BFSP1: variants seen among roughly 807,000 people sequenced by gnomAD.
BFSP1 encodes filensin.
Under a neutral mutation model 43.9 loss-of-function variants are expected in BFSP1, and 38 were observed. The observed-to-expected ratio is 0.87, with a 90% CI of 0.67 to 1.14. The LOEUF is 1.14. Among genes scored for constraint, BFSP1 ranks in the 50% most tolerant of loss-of-function variants. The probability of loss-of-function intolerance (pLI) is 0.00; values close to 1 mark genes in which losing one functional copy is unlikely to be tolerated. For missense variants in BFSP1, 850 were observed against 875.1 expected (o/e 0.97, Z 0.36); for synonymous variants, 352 against 354.8 (o/e 0.99, Z 0.09).
At chr20:17,566,145 A>C (rs973430807) in intron 1 of BFSP1, among the ~76,000 whole-genome samples, 1 of 148,720 alleles carries the variant, frequency 6.7e-6, no homozygotes, top group East Asian at 2.0e-4. Context: ...AAAAAAGACT[A>C]CTGACATAAA....
intron 3 of BFSP1, among the ~76,000 whole-genome samples, chr20:17,513,606 G>A (rs2034136791): frequency 6.6e-6 from 1 of 152,214 alleles, no homozygotes; most frequent in Non-Finnish European, 1.5e-5. Context: ...TACACACTGA[G>A]GTAGGAAGGG....
At chr20:17,529,220 G>A (rs1382072309) in intron 1 of BFSP1, among the ~76,000 whole-genome samples, 5 of 152,070 alleles carry the variant, frequency 3.3e-5, no homozygotes, top group Non-Finnish European at 5.9e-5. Context: ...CTACAGGCGT[G>A]TGCCACTACA....
At chr20:17,538,641 GCA>G (rs1382288969) in intron 1 of BFSP1, among the ~76,000 whole-genome samples, 3 of 152,152 alleles carry the variant, frequency 2.0e-5, no homozygotes, top group East Asian at 1.9e-4. Flanking sequence ...TGCCTTCTCT[GCA>G]CAGTCTCAGA....
rs78453044 is a variant in BFSP1, at chr20:17,508,730, G to C, written c.735+159C>G. Among the ~76,000 whole-genome samples the C allele has an allele frequency of 3.6e-3, 550 of 152,298 alleles. 1 individual carries two copies. Among genetic ancestry groups the C allele is most frequent in the African/African-American group, 0.012 (518 of 41,570 alleles). On this transcript the variant is annotated intron_variant, in intron 5 of 7. Transcript: ENST00000377873. ...AAACTCCTCAGTCCAGGCCAGAGCA[G>C]AGCGCTTGGCCACCCACTCAGAAAA... is the stretch of plus-strand genomic sequence containing the variant.
At position 17,524,248 on chromosome 20, in the gene BFSP1, CAGTT is replaced by C. The variant is rs377576353; in HGVS notation, c.438+596_438+599del. ...TCCCAGCAAAAGCAGAAAATCCAAT[CAGTT>C]AGTTAGAATCATGATGAAGAATCCC... is the stretch of plus-strand genomic sequence containing the variant. On this transcript the variant is annotated intron_variant, in intron 2 of 7. Coordinates refer to ENST00000377873, the MANE Select transcript of BFSP1 (RefSeq NM_001195.5). Among the ~76,000 whole-genome samples the C allele has an allele frequency of 1.6e-4, 25 of 152,290 alleles. No homozygotes were observed. The East Asian group carries it at 4.6e-3, about 28-fold the overall frequency.
chr20:17,535,931 T>G (rs2034621987), upstream of BFSP1, among the ~76,000 whole-genome samples: 1 of 152,088 alleles, frequency 6.6e-6, no homozygotes, highest in Non-Finnish European at 1.5e-5. Context: ...TTTTACTTAT[T>G]TATTTTATTT....
At position 17,539,024 on chromosome 20, in the gene BFSP1, A is replaced by G. The variant is rs1483618522; in HGVS notation, c.3-14116T>C. On this transcript the variant is annotated intron_variant, in intron 1 of 7. Coordinates refer to the BFSP1 transcript ENST00000377868. ...TGCCCACTCTGTCCTAAAAAGAAGGATGTTCCAGCCCTGCTTTGTATCAGT... is the reference window on the plus strand; with the variant it reads ...TGCCCACTCTGTCCTAAAAAGAAGGGTGTTCCAGCCCTGCTTTGTATCAGT... 6.8e-5 allele frequency among the ~76,000 whole-genome samples: 10 copies of G among 147,290 alleles called. No homozygotes were observed. In the East Asian group the frequency reaches 2.1e-3, roughly 32 times the overall value.
chr20:17,532,441 C>T (rs949540252), upstream of BFSP1, among the ~76,000 whole-genome samples: 8 of 150,668 alleles, frequency 5.3e-5, no homozygotes, highest in African/African-American at 1.9e-4. Context: ...AAAAAGATTG[C>T]TTTTTTCTTT....
In BFSP1 at chr20:17,508,872, G is replaced by T; in HGVS notation, c.735+17C>A. The T allele has an allele frequency of 6.4e-7, 1 of 1,550,530 alleles. No homozygotes were observed. Among genetic ancestry groups the T allele is most frequent in the Non-Finnish European group, 8.7e-7 (1 of 1,150,264 alleles). The stretch of plus-strand genomic sequence containing the variant: ...ATGTGGGAAGCCCCAATGCACACGC[G>T]GCAGACTCGAGCGTACCTGTGCCTG... On this transcript the variant is annotated intron_variant, in intron 5 of 7. Transcript: ENST00000377873.
intron 1 of BFSP1, chr20:17,569,075 G>C (rs1383634140): frequency 1.3e-5 from 2 of 152,210 alleles, no homozygotes; most frequent in Non-Finnish European, 2.9e-5. Flanking sequence ...ACCGTCCCGG[G>C]ACAGCGCGGC....
At chr20:17,565,731 A>G (rs537192250) in intron 1 of BFSP1, 1 of 152,348 alleles carries the variant, frequency 6.6e-6, no homozygotes, top group Admixed American at 6.5e-5. Flanking sequence ...AAAAGAGAGA[A>G]GGTGCTCAAA....
intron 2 of BFSP1, among the ~76,000 whole-genome samples, chr20:17,522,360 C>A (rs2034335982): frequency 6.6e-6 from 1 of 152,192 alleles, no homozygotes; most frequent in African/African-American, 2.4e-5. Context: ...CCCCCAATAA[C>A]CACGGGCTGT....
chr20:17,548,035 C>A (rs559089124), intron 1 of BFSP1, among the ~76,000 whole-genome samples: 20 of 151,418 alleles, frequency 1.3e-4, no homozygotes, highest in Middle Eastern at 3.4e-3. Flanking sequence ...AGTTGTGAGC[C>A]ACTGCACCCA....
chr20:17,553,404 A>G (rs943514680), intron 1 of BFSP1, among the ~76,000 whole-genome samples: 11 of 152,208 alleles, frequency 7.2e-5, no homozygotes, highest in African/African-American at 1.9e-4. Flanking sequence ...AAAATCCTCA[A>G]TGAAAGAACA....
intron 5 of BFSP1, among the ~76,000 whole-genome samples, chr20:17,506,487 C>A (rs1291708999): frequency 1.3e-5 from 2 of 151,266 alleles, no homozygotes; most frequent in Non-Finnish European, 2.9e-5. Flanking sequence ...TAAAATGATT[C>A]AGTAATATTT....
exon 1 of BFSP1, chr20:17,558,876 G>T (rs1236445828): frequency 6.9e-6 from 5 of 721,572 alleles, no homozygotes; most frequent in Admixed American, 3.5e-5. Context: ...TGACTCACTG[G>T]CTCAAGGGGT....
intron 1 of BFSP1, among the ~76,000 whole-genome samples, chr20:17,553,987 A>G (rs1207682642): frequency 6.6e-6 from 1 of 150,888 alleles, no homozygotes; most frequent in East Asian, 1.9e-4. Context: ...TGCAGATGGC[A>G]TATTTTTAGC....
At chr20:17,558,849 G>A (rs368737532) in exon 1 of BFSP1, 9 of 1,064,288 alleles carry the variant, frequency 8.5e-6, no homozygotes, top group Non-Finnish European at 9.1e-6. Flanking sequence ...AGGCTTTAGA[G>A]GTTTGCAGAG....
rs34519380 is a variant in BFSP1, at chr20:17,547,734, C to CTTT, written c.2+10951_2+10953dup. 2.1e-3 allele frequency among the ~76,000 whole-genome samples: 289 copies of CTTT among 136,192 alleles called. 5 individuals are homozygous for CTTT. Among genetic ancestry groups the CTTT allele is most frequent in the Admixed American group, 0.014 (181 of 13,112 alleles). The allele number at this position is 136,192 out of a possible 152,430, so 89.3% of individuals were successfully genotyped here. ...AGACATGTTTTTTTTCTTTTTCTTT[C>CTTT]TTTTTTTTTTTTTTTGAAACAAGGT... is the stretch of plus-strand genomic sequence containing the variant. On this transcript the variant is annotated intron_variant, in intron 1 of 7. Coordinates refer to the BFSP1 transcript ENST00000377868.
Sources: gnomAD v4.1 joint callset for allele counts (sites outside exome capture counted in the v4.1 genomes callset) on GRCh38, gnomAD v4.1.1 for gene constraint, MANE v1.5 for transcripts, NCBI Gene and HGNC (gene_info 2026-07-23, HGNC 2026-07-21) for gene names.